Variants in ANKIB1 observed in about 807,000 individuals in gnomAD.
The protein encoded by ANKIB1 is ankyrin repeat and IBR domain containing 1.
A neutral mutation model predicts 122.1 loss-of-function variants in ANKIB1; 43 were observed. That is an observed-to-expected ratio of 0.35 (90% CI 0.28 to 0.45). The LOEUF is 0.45. Among genes scored for constraint, ANKIB1 ranks in the 20% least tolerant of loss-of-function variants. The pLI is 1.00. For missense variants in ANKIB1, 992 were observed against 1,329.5 expected (o/e 0.75, Z 3.95); for synonymous variants, 390 against 442.0 (o/e 0.88, Z 1.48).
chr7:92,355,846 C>CTAA (rs1803792984), intron 9 of ANKIB1, among the ~76,000 whole-genome samples: 4 of 115,830 alleles, frequency 3.5e-5, no homozygotes, highest in African/African-American at 1.0e-4. Flanking sequence ...GAGACTCCGT[C>CTAA]TCATAATAAT....
intron 1 of ANKIB1, among the ~76,000 whole-genome samples, chr7:92,287,877 T>G (rs573013433): frequency 6.6e-6 from 1 of 151,594 alleles, no homozygotes; most frequent in South Asian, 2.1e-4. Context: ...CTACTAAAAA[T>G]ACAAAAAAAT....
At chr7:92,288,475 C>A (rs559022671) in intron 1 of ANKIB1, among the ~76,000 whole-genome samples, 1 of 152,164 alleles carries the variant, frequency 6.6e-6, no homozygotes, top group African/African-American at 2.4e-5. Context: ...AAAAATAGAA[C>A]ACAGTCAATT....
At chr7:92,257,618 C>T (rs903198997) in intron 1 of ANKIB1, among the ~76,000 whole-genome samples, 3 of 152,128 alleles carry the variant, frequency 2.0e-5, no homozygotes, top group African/African-American at 7.2e-5. Flanking sequence ...CATGGAGAAA[C>T]CCCGTCTCCA....
chr7:92,248,480 A>G (rs1801246807), intron 1 of ANKIB1, among the ~76,000 whole-genome samples: 1 of 152,188 alleles, frequency 6.6e-6, no homozygotes, highest in Admixed American at 6.5e-5. Context: ...ACTTGCTTGT[A>G]GATAAAAGTG....
chr7:92,394,020 G>A (rs1053502915), intron 17 of ANKIB1, among the ~76,000 whole-genome samples: 1 of 151,976 alleles, frequency 6.6e-6, no homozygotes, highest in East Asian at 1.9e-4. Flanking sequence ...AAGCATAAAG[G>A]TTTGTTTTAT....
intron 2 of ANKIB1, among the ~76,000 whole-genome samples, chr7:92,305,560 G>A (rs966400240): frequency 6.6e-6 from 1 of 152,172 alleles, no homozygotes; most frequent in African/African-American, 2.4e-5. Context: ...ATGTAATTGG[G>A]ATGCTATATG....
Position 92,343,235 on chromosome 7 carries a change from A to ATGGTT in ANKIB1, c.996+8_996+12dup, listed in dbSNP as rs1270760870. The ATGGTT allele has an allele frequency of 6.2e-7, 1 of 1,611,582 alleles. No homozygotes were observed. The highest frequency in any genetic ancestry group is 1.3e-5 in the African/African-American group (1 of 74,982). On this transcript the variant is annotated splice_donor_region_variant and intron_variant, in intron 6 of 19. Coordinates refer to ENST00000265742, the MANE Select transcript of ANKIB1 (RefSeq NM_019004.2). ...CTGGGGATTTAGACACCAGTTTGGT[A>ATGGTT]TGGTTTGGTATTCACTGTACTTCTC...
rs1285438500 is a variant in ANKIB1, at chr7:92,246,334, C to T, written c.-276C>T. On this transcript the variant is annotated 5_prime_UTR_variant, in exon 1 of 20. Transcript: ENST00000265742. ...CTTCCCGCGGGCCGCCAGTGCGCACCCTCGGCCACATCAGCCTCCGCCTGG... is the reference window on the plus strand; with the variant it reads ...CTTCCCGCGGGCCGCCAGTGCGCACTCTCGGCCACATCAGCCTCCGCCTGG... The T allele has an allele frequency of 4.5e-6, 2 of 441,200 alleles. No homozygotes were observed. The highest frequency in any genetic ancestry group is 2.4e-5 in the Admixed American group (1 of 41,028). The allele number at this position is 441,200 out of a possible 1,614,324, so 27.3% of individuals were successfully genotyped here. A position where few individuals can be genotyped will look rare whatever the true frequency, so the allele number is the denominator to read the frequency against.
chr7:92,301,952 T>C (rs1261901582), intron 2 of ANKIB1, among the ~76,000 whole-genome samples: 2 of 152,128 alleles, frequency 1.3e-5, no homozygotes, highest in Non-Finnish European at 2.9e-5. Context: ...TCTTTTTTTT[T>C]TTGAGACGGA....
intron 5 of ANKIB1, among the ~76,000 whole-genome samples, chr7:92,332,815 T>C (rs1803197594): frequency 6.6e-6 from 1 of 152,228 alleles, no homozygotes; most frequent in Non-Finnish European, 1.5e-5. Context: ...CCCCCTGGAC[T>C]AGACCTCTCT....
intron 1 of ANKIB1, among the ~76,000 whole-genome samples, chr7:92,287,606 T>A (rs1018090236): frequency 1.3e-5 from 2 of 152,214 alleles, no homozygotes; most frequent in African/African-American, 4.8e-5. Context: ...ATTCTAATTA[T>A]GAAATATCTT....
At chr7:92,260,832 C>T (rs986062175) in intron 1 of ANKIB1, among the ~76,000 whole-genome samples, 1 of 152,184 alleles carries the variant, frequency 6.6e-6, no homozygotes, top group Non-Finnish European at 1.5e-5. Flanking sequence ...CATTCCCCTT[C>T]GCCTACAATA....
chr7:92,326,987 C>T (rs918829340), intron 4 of ANKIB1, among the ~76,000 whole-genome samples: 1 of 152,130 alleles, frequency 6.6e-6, no homozygotes, highest in Non-Finnish European at 1.5e-5. Context: ...ATTTCTTTTA[C>T]ATTGATAGAA....
intron 9 of ANKIB1, among the ~76,000 whole-genome samples, chr7:92,355,533 T>A (rs530405425): frequency 6.6e-6 from 1 of 152,206 alleles, no homozygotes; most frequent in Non-Finnish European, 1.5e-5. Context: ...TTCGCTGAAA[T>A]TGATTGGCAG....
intron 3 of ANKIB1, among the ~76,000 whole-genome samples, chr7:92,310,374 T>G (rs941776908): frequency 6.6e-6 from 1 of 152,164 alleles, no homozygotes; most frequent in Non-Finnish European, 1.5e-5. Flanking sequence ...TTATAACATT[T>G]CAGCATATTT....
chr7:92,267,759 C>T (rs576629722), intron 1 of ANKIB1, among the ~76,000 whole-genome samples: 10 of 152,160 alleles, frequency 6.6e-5, no homozygotes, highest in East Asian at 3.9e-4. Context: ...AGAAGACCAT[C>T]GTTTAAGCCA....
intron 4 of ANKIB1, among the ~76,000 whole-genome samples, chr7:92,320,756 A>C (rs774070412): frequency 6.6e-6 from 1 of 152,012 alleles, no homozygotes; most frequent in East Asian, 1.9e-4. Flanking sequence ...TCTTCCTTCT[A>C]TTCTTGTATC....
At chr7:92,314,142 C>A (rs778343767) in intron 3 of ANKIB1, among the ~76,000 whole-genome samples, 18 of 151,544 alleles carry the variant, frequency 1.2e-4, no homozygotes, top group Middle Eastern at 3.2e-3. Flanking sequence ...TACTAAAAAT[C>A]AAAAAATTAG....
intron 1 of ANKIB1, among the ~76,000 whole-genome samples, chr7:92,272,567 A>G (rs1293995212): frequency 6.6e-6 from 1 of 152,196 alleles, no homozygotes; most frequent in Admixed American, 6.5e-5. Flanking sequence ...GAAAAGCCCT[A>G]GGATGACAGT....
Sources: allele counts gnomAD v4.1 joint callset (sites outside exome capture counted in the v4.1 genomes callset), GRCh38; gene constraint gnomAD v4.1.1; transcripts MANE v1.5; gene names NCBI Gene and HGNC (gene_info 2026-07-23, HGNC 2026-07-21).